CHST10: variants seen among roughly 807,000 people sequenced by gnomAD.
The protein encoded by CHST10 is carbohydrate sulfotransferase 10.
In CHST10, 24 loss-of-function variants were observed where a neutral mutation model predicts 34.7. The ratio of observed to expected loss-of-function variants is 0.69; its 90% CI spans 0.50 to 0.97. The LOEUF (loss-of-function observed/expected upper bound fraction) is 0.97, where lower values mean the gene tolerates loss of function less well. Ranked by LOEUF, CHST10 falls within the 50% of genes least tolerant of loss-of-function variation. The probability of loss-of-function intolerance (pLI) is 0.00; values close to 1 mark genes in which losing one functional copy is unlikely to be tolerated. For missense variants in CHST10, 402 were observed against 452.1 expected, an observed-to-expected ratio of 0.89 and a Z score of 1.00; for synonymous variants, 161 against 169.3, an observed-to-expected ratio of 0.95 and a Z score of 0.38.
In CHST10 at chr2:100,398,117, CT is replaced by C; in HGVS notation, c.217del (p.Ser73AlafsTer25). The part of the protein sequence containing the change: ...LKPTGKELPD[S>X]QLVQPLVYME... ...GTAGACCAGGGGCTGAACGAGCTGG[CT>C]GTCTGGAAGCTCCTTCCCAGTTGGC... On this transcript the variant is annotated frameshift_variant, in exon 5 of 7. Coordinates refer to ENST00000264249, the MANE Select transcript of CHST10 (RefSeq NM_004854.5). LOFTEE classifies it high-confidence loss of function. The C allele has an allele frequency of 6.2e-7, 1 of 1,612,770 alleles. No homozygotes were observed. Among genetic ancestry groups the C allele is most frequent in the South Asian group, 1.1e-5 (1 of 90,778 alleles).
At chr2:100,415,132 A>C (rs1339339306) in intron 1 of CHST10, 21 bp from the exon 2 acceptor site, 1 of 1,265,026 alleles carries the variant, frequency 7.9e-7, no homozygotes, top group Non-Finnish European at 1.0e-6. Context: ...AAATTAAAAA[A>C]AAAAAAGCAT....
chr2:100,406,575 C>A lies in CHST10; in HGVS notation c.100+1G>T, dbSNP rs756427460. The A allele has an allele frequency of 6.2e-7, 1 of 1,614,138 alleles. No individual in the cohort carries two copies. The highest frequency in any genetic ancestry group is 1.1e-5 in the South Asian group (1 of 91,062). On this transcript the variant is annotated splice_donor_variant, in intron 3 of 6. Transcript: ENST00000264249. LOFTEE classifies it high-confidence loss of function. ...TTCGTTCCACCATGAAGCATACGTA[C>A]CATCTGGGTCTTTAAAGGTCAACGT...
intron 2 of CHST10, among the ~76,000 whole-genome samples, chr2:100,409,261 T>C (rs1165499014): frequency 6.6e-6 from 1 of 152,082 alleles, no homozygotes; most frequent in African/African-American, 2.4e-5. Context: ...TCTGAAGGAA[T>C]GTAATATGAT....
intron 3 of CHST10, among the ~76,000 whole-genome samples, chr2:100,406,129 C>T (rs1429198467): frequency 2.0e-5 from 3 of 152,114 alleles, no homozygotes; most frequent in Non-Finnish European, 4.4e-5. Context: ...TTTAAATGAC[C>T]CTCCTCCGCT....
chr2:100,412,524 C>A (rs1675888485), intron 2 of CHST10, among the ~76,000 whole-genome samples: 2 of 152,132 alleles, frequency 1.3e-5, no homozygotes, highest in African/African-American at 2.4e-5. Flanking sequence ...GGAGGCAGTA[C>A]CCAGGCATTT....
chr2:100,417,033 C>T (rs1676095719), intron 1 of CHST10: 1 of 1,304,338 alleles, frequency 7.7e-7, no homozygotes, highest in Non-Finnish European at 1.0e-6. Context: ...TCTGCATGCT[C>T]CTTGGACCCA....
At chr2:100,412,919 A>C (rs2104259568) in intron 2 of CHST10, among the ~76,000 whole-genome samples, 1 of 152,298 alleles carries the variant, frequency 6.6e-6, no homozygotes, top group Non-Finnish European at 1.5e-5. Context: ...TTGGAAAACA[A>C]CACAAAACTC....
intron 6 of CHST10, among the ~76,000 whole-genome samples, chr2:100,394,565 T>C (rs918833923): frequency 2.0e-5 from 3 of 152,158 alleles, no homozygotes; most frequent in African/African-American, 7.2e-5. Context: ...TCAGGCGCCA[T>C]GCAAGGCAGG....
chr2:100,396,595 T>A (rs113617161), intron 5 of CHST10, among the ~76,000 whole-genome samples: 3,062 of 152,296 alleles, frequency 0.02, 53 homozygotes, highest in Middle Eastern at 0.078. Context: ...AACTCTGCGG[T>A]ACATGCTATG....
chr2:100,395,038 G>A (rs113317810), intron 6 of CHST10, among the ~76,000 whole-genome samples: 2 of 152,102 alleles, frequency 1.3e-5, no homozygotes, highest in Non-Finnish European at 2.9e-5. Context: ...TCCTTGCTGC[G>A]ATCAGGGGTT....
At chr2:100,395,483 CT>C (rs751614155) in intron 6 of CHST10, 25 bp downstream of exon 6, 48 of 1,593,944 alleles carry the variant, frequency 3.0e-5, no homozygotes, top group Non-Finnish European at 4.0e-5. Context: ...AAACTCCCCC[CT>C]CCCCTTTGAG....
intron 2 of CHST10, among the ~76,000 whole-genome samples, chr2:100,411,342 C>T (rs1367010608): frequency 2.0e-5 from 3 of 152,042 alleles, no homozygotes; most frequent in Non-Finnish European, 2.9e-5. Flanking sequence ...GAACTCCTGA[C>T]CTCAAGTGAT....
chr2:100,400,977 G>A (rs1180601034), intron 4 of CHST10, among the ~76,000 whole-genome samples: 1 of 152,200 alleles, frequency 6.6e-6, no homozygotes, highest in Non-Finnish European at 1.5e-5. Context: ...CACCGCACCT[G>A]GCCAAAATAA....
Position 100,417,597 on chromosome 2 carries a change from G to A in CHST10, c.-327C>T, listed in dbSNP as rs1676123628. 6.6e-6 allele frequency: 1 copy of A among 151,420 alleles called. No homozygotes were observed. Among genetic ancestry groups the A allele is most frequent in the Non-Finnish European group, 1.5e-5 (1 of 67,812 alleles). The allele number at this position is 151,420 out of a possible 1,614,324, so 9.4% of individuals were successfully genotyped here. ...AGGAAGACGCCCGGCGCGCTAGACC[G>A]GCTTTGGGGGCCAGAACGCCGGCAC... On this transcript the variant is annotated 5_prime_UTR_variant, in exon 1 of 7. Transcript: ENST00000264249.
chr2:100,396,890 C>T (rs528551463), intron 5 of CHST10, among the ~76,000 whole-genome samples: 52 of 152,176 alleles, frequency 3.4e-4, no homozygotes, highest in Non-Finnish European at 5.6e-4. Context: ...GTTTTCAATT[C>T]GATTTGCAGC....
intron 2 of CHST10, among the ~76,000 whole-genome samples, chr2:100,411,791 A>G (rs2104251523): frequency 6.6e-6 from 1 of 152,320 alleles, no homozygotes; most frequent in African/African-American, 2.4e-5. Flanking sequence ...GAGGAGTGGT[A>G]CTTGATGGTG....
chr2:100,410,328 G>A (rs1304003497), intron 2 of CHST10, among the ~76,000 whole-genome samples: 2 of 152,206 alleles, frequency 1.3e-5, no homozygotes, highest in African/African-American at 4.8e-5. Context: ...CCCCAGCACC[G>A]CTCTGCGCCA....
chr2:100,417,282 A>C (rs1573208437), intron 1 of CHST10, 92 bp downstream of exon 1: 4 of 345,000 alleles, frequency 1.2e-5, no homozygotes, highest in South Asian at 2.2e-5. Context: ...CCAGGACAAA[A>C]CCCGCGGGTT....
rs138889445 is a variant in CHST10 at position 100,402,655 on chromosome 2, A to G, written c.101T>C (p.Val34Ala). 1,241 of 1,613,580 alleles carry G rather than the reference A, an allele frequency of 7.7e-4. 10 individuals are homozygous for G. The African/African-American group carries it at 0.014, about 18-fold the overall frequency. ...CAGAAACTCCTGTTTGGCACTGTACACTGGAAGACAGAGAGGTTGAATGTC... is the reference window on the plus strand; with the variant it reads ...CAGAAACTCCTGTTTGGCACTGTACGCTGGAAGACAGAGAGGTTGAATGTC... ...FITLTFKDPD[V>A]YSAKQEFLFL... Residue 34 changes from valine (V) to alanine (A), a missense_variant and splice_region_variant, in exon 4 of 7, where the codon GTG becomes GCG. Physicochemically the swap from Val to Ala is moderately conservative, Grantham distance 64. Coordinates refer to ENST00000264249, the MANE Select transcript of CHST10 (RefSeq NM_004854.5).
Sources: allele counts gnomAD v4.1 joint callset (sites outside exome capture counted in the v4.1 genomes callset), GRCh38; gene constraint gnomAD v4.1.1; transcripts MANE v1.5; gene names NCBI Gene and HGNC (gene_info 2026-07-23, HGNC 2026-07-21).